The following FAM200A variants were observed in gnomAD, a reference collection of about 807,000 sequenced individuals.
FAM200A encodes ZBED8 like.
A neutral mutation model predicts 44.2 loss-of-function variants in FAM200A; 26 were observed. That is an observed-to-expected ratio of 0.59 (90% CI 0.43 to 0.82). The LOEUF (loss-of-function observed/expected upper bound fraction) is 0.82. Ranked by LOEUF, FAM200A falls within the 40% of genes least tolerant of loss-of-function variation. FAM200A has a pLI of 0.00. For missense variants in FAM200A, 606 were observed against 669.5 expected, an observed-to-expected ratio of 0.91 and a Z score of 1.05; for synonymous variants, 206 against 244.4, an observed-to-expected ratio of 0.84 and a Z score of 1.47.
upstream of FAM200A, among the ~76,000 whole-genome samples, chr7:99,554,536 G>A (rs758577165): frequency 1.0e-4 from 15 of 148,026 alleles, no homozygotes; most frequent in South Asian, 2.2e-4. Context: ...TTGGGACCAC[G>A]CACAGCCTCT....
chr7:99,558,209 CGTTGT>C (rs1039542637), intron 1 of FAM200A: 4 of 152,244 alleles, frequency 2.6e-5, no homozygotes, highest in African/African-American at 9.7e-5. Flanking sequence ...TACTTGTCAG[CGTTGT>C]ACTACACTCT....
chr7:99,556,925 A>C (rs144507527), upstream of FAM200A, among the ~76,000 whole-genome samples: 459 of 152,094 alleles, frequency 3.0e-3, 1 homozygote, highest in Non-Finnish European at 3.4e-3. Flanking sequence ...AATCCCATCT[A>C]CTCTGGAGGC....
Position 99,547,088 on chromosome 7 carries a change from T to C in FAM200A, c.1320A>G (p.Glu440=), listed in dbSNP as rs191470181. The C allele has an allele frequency of 6.5e-7, 1 of 1,546,398 alleles. No individual in the cohort carries two copies. The highest frequency in any genetic ancestry group is 8.7e-7 in the Non-Finnish European group (1 of 1,145,724). Reference sequence around the variant, plus strand: ...TTTCCTTTAATGATTCAAATTTCTCTTCCGGAAAGTAATAATTAAAAGTTT... The same window carrying C: ...TTTCCTTTAATGATTCAAATTTCTCCTCCGGAAAGTAATAATTAAAAGTTT... The part of the protein sequence containing the change: ...LSQTFNYYFP[E]EKFESLKENI... Residue 440 remains glutamate (E), a synonymous_variant, in exon 2 of 2, where the codon GAA becomes GAG. Coordinates refer to ENST00000449309, the MANE Select transcript of FAM200A (RefSeq NM_145111.4).
At position 99,546,935 on chromosome 7, in the gene FAM200A, C is replaced by T; in HGVS notation, c.1473G>A (p.Lys491=). The T allele has an allele frequency of 6.5e-7, 1 of 1,549,210 alleles. No homozygotes were observed. The highest frequency in any genetic ancestry group is 8.7e-7 in the Non-Finnish European group (1 of 1,146,400). The change falls in exon 2 of 2, where the codon AAG becomes AAA. Residue 491 remains lysine (K), a synonymous_variant. Transcript: ENST00000449309. ...SSSFTLKNYY[K]ILSLSAFWIK... is the part of the protein sequence containing the mutation. ...TCCAAAATGCTGATAAACTTAATAT[C>T]TTATAATAATTCTTTAGTGTGAATG... is the stretch of plus-strand genomic sequence containing the variant.
Position 99,547,723 on chromosome 7 carries a change from A to G in FAM200A, c.685T>C (p.Leu229=), listed in dbSNP as rs1041691119. 1.3e-6 allele frequency: 2 copies of G among 1,551,656 alleles called. No individual in the cohort carries two copies. The highest frequency in any genetic ancestry group is 8.7e-7 in the Non-Finnish European group (1 of 1,146,966). The change falls in exon 2 of 2, where the codon TTA becomes CTA. Residue 229 remains leucine (L), a synonymous_variant. Transcript: ENST00000449309. ...GKHSRLTEKL[L]EATHNNAVWN... is the part of the protein sequence containing the mutation. ...ACAGCATTGTTGTGGGTTGCTTCTA[A>G]CAATTTTTCAGTAAGTCTGCTGTGT...
chr7:99,550,477 T>C (rs972620953), intron 1 of FAM200A, among the ~76,000 whole-genome samples: 3 of 152,184 alleles, frequency 2.0e-5, no homozygotes, highest in Non-Finnish European at 2.9e-5. Context: ...TTTCTGTATG[T>C]TGGTGGCACA....
At chr7:99,550,562 T>A (rs889499880) in intron 1 of FAM200A, among the ~76,000 whole-genome samples, 1 of 152,184 alleles carries the variant, frequency 6.6e-6, no homozygotes, top group Non-Finnish European at 1.5e-5. Context: ...ATTCCAAAAT[T>A]GGAAGAGACC....
chr7:99,558,381 C>T (rs1802771256), exon 1 of FAM200A: 1 of 152,218 alleles, frequency 6.6e-6, no homozygotes, highest in African/African-American at 2.4e-5. Flanking sequence ...GCTTTCCCAA[C>T]ACTGGTCGCA....
rs1562924700 is a variant in FAM200A, at chr7:99,547,174, T to TAATAATGTTCTCTTCGATGTGTTGC, written c.1209_1233dup (p.Asn412AlafsTer9). 2.6e-6 allele frequency: 4 copies of TAATAATGTTCTCTTCGATGTGTTGC among 1,547,660 alleles called. No homozygotes were observed. On this transcript the variant is annotated frameshift_variant, in exon 2 of 2. Coordinates refer to ENST00000449309, the MANE Select transcript of FAM200A (RefSeq NM_145111.4). LOFTEE classifies it high-confidence loss of function. ...TTTATTTCTTTTAAGCAGTCTTCATTAATAATGTTCTCTTCGATGTGTTGC... is the reference window on the plus strand; with the variant it reads ...TTTATTTCTTTTAAGCAGTCTTCATTAATAATGTTCTCTTCGATGTGTTGCAATAATGTTCTCTTCGATGTGTTGC...
chr7:99,554,220 C>A (rs1221933218), upstream of FAM200A, among the ~76,000 whole-genome samples: 8 of 152,038 alleles, frequency 5.3e-5, no homozygotes, highest in Non-Finnish European at 1.0e-4. Context: ...GTGGCTCACA[C>A]CTGTAATGTC....
intron 1 of FAM200A, among the ~76,000 whole-genome samples, chr7:99,550,377 G>A (rs1802502438): frequency 6.6e-6 from 1 of 152,114 alleles, no homozygotes; most frequent in Admixed American, 6.5e-5. Flanking sequence ...CCAAAGTGCT[G>A]GGATTACAAG....
At position 99,546,549 on chromosome 7, in the gene FAM200A, A is replaced by G. The variant is rs1306709528; in HGVS notation, c.*137T>C. On this transcript the variant is annotated 3_prime_UTR_variant, in exon 2 of 2. Coordinates refer to ENST00000449309, the MANE Select transcript of FAM200A (RefSeq NM_145111.4). ...ACGCCTGGCTAAGGTTTCTATTTTT[A>G]GTAGAGATGGGGTTTCACCATGTTG... 7 of 903,620 alleles carry G rather than the reference A, an allele frequency of 7.7e-6. No homozygotes were observed. In the East Asian group the frequency reaches 1.6e-4, roughly 20 times the overall value. 56.0% of individuals were successfully genotyped at this position (903,620 alleles called of 1,614,324 possible).
upstream of FAM200A, among the ~76,000 whole-genome samples, chr7:99,552,399 G>A (rs976328255): frequency 1.3e-5 from 2 of 152,232 alleles, no homozygotes; most frequent in African/African-American, 2.4e-5. Context: ...TGGCAGAGGA[G>A]CTGAATGAAA....
In FAM200A at chr7:99,550,069, A is replaced by T. The variant is rs571834721; in HGVS notation, c.-99-1563T>A. 2.0e-5 allele frequency among the ~76,000 whole-genome samples: 3 copies of T among 152,226 alleles called. No homozygotes were observed. In the South Asian group the frequency reaches 6.2e-4, roughly 32 times the overall value. Reference sequence around the variant, plus strand: ...ATAATAAAAAAAAGTAAATAATAAAAAAAAACTTAAAAAAAGTTATTACCT... The same window carrying T: ...ATAATAAAAAAAAGTAAATAATAAATAAAAACTTAAAAAAAGTTATTACCT... On this transcript the variant is annotated intron_variant, in intron 1 of 1. Coordinates refer to ENST00000449309, the MANE Select transcript of FAM200A (RefSeq NM_145111.4).
chr7:99,551,690 G>C (rs1296390107), intron 1 of FAM200A, among the ~76,000 whole-genome samples, 164 bp downstream of exon 1: 1 of 152,228 alleles, frequency 6.6e-6, no homozygotes, highest in Non-Finnish European at 1.5e-5. Context: ...AGAAAAACCA[G>C]TGGGCACAAC....
intron 1 of FAM200A, 93 bp from the exon 2 acceptor site, chr7:99,548,599 G>A: frequency 1.9e-6 from 2 of 1,068,454 alleles, no homozygotes; most frequent in Non-Finnish European, 2.6e-6. Flanking sequence ...AAATCTAGTG[G>A]TGTGACATGG....
rs1261063707 is a variant in FAM200A, at chr7:99,547,620, T to A, written c.788A>T (p.Asn263Ile). The A allele has an allele frequency of 6.4e-7, 1 of 1,551,314 alleles. No individual in the cohort carries two copies. Among genetic ancestry groups the A allele is most frequent in the East Asian group, 2.4e-5 (1 of 40,908 alleles). The part of the protein sequence containing the change: ...ISPSLMDVLK[N>I]AVKTVNFIKG... ...AATAAAATTAACAGTTTTCACTGCA[T>A]TTTTCAATACATCCATCAGACTTGG... Residue 263 changes from asparagine (N) to isoleucine (I), a missense_variant, in exon 2 of 2, where the codon AAT becomes ATT. Asn to Ile is a moderately radical substitution (Grantham distance 149). Coordinates refer to ENST00000449309, the MANE Select transcript of FAM200A (RefSeq NM_145111.4).
rs1387751251 is a variant in FAM200A at position 99,546,639 on chromosome 7, G to GT, written c.*46dup. The stretch of plus-strand genomic sequence containing the variant: ...GTCTCCCACTGCTGGGATTACAGGC[G>GT]TAAGCCACCACACCTGGCTATACAC... On this transcript the variant is annotated 3_prime_UTR_variant, in exon 2 of 2. Coordinates refer to ENST00000449309, the MANE Select transcript of FAM200A (RefSeq NM_145111.4). 2.7e-6 allele frequency: 4 copies of GT among 1,456,176 alleles called. No homozygotes were observed. Among genetic ancestry groups the GT allele is most frequent in the African/African-American group, 2.9e-5 (2 of 69,102 alleles). 90.2% of individuals were successfully genotyped at this position (1,456,176 alleles called of 1,614,324 possible). A position where few individuals can be genotyped will look rare whatever the true frequency, so the allele number is the denominator to read the frequency against.
chr7:99,549,292 C>T (rs189807287), intron 1 of FAM200A, among the ~76,000 whole-genome samples: 15 of 151,644 alleles, frequency 9.9e-5, no homozygotes, highest in Middle Eastern at 3.4e-3. Context: ...ACAACACATG[C>T]GATTGACAAA....
Sources: allele counts gnomAD v4.1 joint callset (sites outside exome capture counted in the v4.1 genomes callset), GRCh38; gene constraint gnomAD v4.1.1; transcripts MANE v1.5; gene names NCBI Gene and HGNC (gene_info 2026-07-23, HGNC 2026-07-21).